SLC35B3: variants seen among roughly 807,000 people sequenced by gnomAD.
The protein encoded by SLC35B3 is adenosine 3'-phospho 5'-phosphosulfate transporter 2.
In SLC35B3, 35 loss-of-function variants were observed where a neutral mutation model predicts 44.1. That is an observed-to-expected ratio of 0.79 (90% CI 0.61 to 1.05). The LOEUF is 1.05. Ranked by LOEUF, SLC35B3 falls within the 50% of genes least tolerant of loss-of-function variation. SLC35B3 has a pLI of 0.00. For synonymous variants in SLC35B3, 146 were observed against 167.3 expected (o/e 0.87, Z 0.98); for missense variants, 414 against 476.4 (o/e 0.87, Z 1.22).
At position 8,412,223 on chromosome 6, in the gene SLC35B3, G is replaced by C. The variant is rs1384949896; in HGVS notation, c.*1326C>G. Among the ~76,000 whole-genome samples, 3 of 152,120 alleles carry C rather than the reference G, an allele frequency of 2.0e-5. No individual in the cohort carries two copies. The highest frequency in any genetic ancestry group is 6.6e-5 in the Admixed American group (1 of 15,252). The stretch of plus-strand genomic sequence containing the variant: ...CTCCATCTTGGACTTCCAGACATCA[G>C]AACTGTGGGAAATAAATTTCCATTG... On this transcript the variant is annotated 3_prime_UTR_variant, in exon 11 of 11. Coordinates refer to ENST00000644923, the MANE Select transcript of SLC35B3 (RefSeq NM_001370476.2).
At chr6:8,425,578 C>T (rs529949251) in intron 4 of SLC35B3, among the ~76,000 whole-genome samples, 1 of 151,982 alleles carries the variant, frequency 6.6e-6, no homozygotes, top group South Asian at 2.1e-4. Flanking sequence ...GCAATAAAGA[C>T]AGGTTGAGAG....
chr6:8,428,624 A>G (rs1349514299), intron 3 of SLC35B3, among the ~76,000 whole-genome samples: 1 of 152,172 alleles, frequency 6.6e-6, no homozygotes, highest in East Asian at 1.9e-4. Context: ...GCATAAACCA[A>G]TTATAAACTA....
chr6:8,427,970 A>T lies in SLC35B3; in HGVS notation c.386T>A (p.Ile129Lys). ...TTTGTCCTGAATAAGCTGAAGTTCT[A>T]TTAGGCCAAATATGGAGTAAAAGGC... Residue 129 changes from isoleucine (I) to lysine (K), a missense_variant, in exon 4 of 11, where the codon ATA (isoleucine) becomes AAA (lysine). Physicochemically the swap from Ile to Lys is moderately radical, Grantham distance 102. Coordinates refer to ENST00000644923, the MANE Select transcript of SLC35B3 (RefSeq NM_001370476.2). 1.2e-6 allele frequency: 2 copies of T among 1,612,924 alleles called. No individual in the cohort carries two copies. Among genetic ancestry groups the T allele is most frequent in the Non-Finnish European group, 1.7e-6 (2 of 1,179,282 alleles).
At chr6:8,424,162 T>A (rs1763193892) in intron 4 of SLC35B3, among the ~76,000 whole-genome samples, 1 of 152,214 alleles carries the variant, frequency 6.6e-6, no homozygotes, top group Admixed American at 6.5e-5. Flanking sequence ...ATTGGTATAA[T>A]GAAGAAATTA....
intron 3 of SLC35B3, among the ~76,000 whole-genome samples, chr6:8,428,318 A>G (rs1035584526): frequency 6.6e-6 from 1 of 152,204 alleles, no homozygotes; most frequent in Non-Finnish European, 1.5e-5. Flanking sequence ...AGCAATATTT[A>G]TATCAGTTAT....
chr6:8,413,581 T>G lies in SLC35B3; in HGVS notation c.1174A>C (p.Arg392=). ...GTCTGTGCCAGCGTCCTTGACTTTC[T>G]TGCTTCCACTGATTTGTTTATCAAA... Residue 392 remains arginine (R), a synonymous_variant, in exon 11 of 11, where the codon AGA becomes CGA. Coordinates refer to ENST00000644923, the MANE Select transcript of SLC35B3 (RefSeq NM_001370476.2). 6.2e-7 allele frequency: 1 copy of G among 1,610,042 alleles called. No homozygotes were observed. Among genetic ancestry groups the G allele is most frequent in the Admixed American group, 1.7e-5 (1 of 59,768 alleles).
rs1291413383 is a variant in SLC35B3 at position 8,413,707 on chromosome 6, A to T, written c.1056-8T>A. ...AAACCAGACCATACATACCTAAGAG[A>T]AAGAAATAAGGAAAAAAAATTAAAA... is the stretch of plus-strand genomic sequence containing the variant. On this transcript the variant is annotated splice_polypyrimidine_tract_variant and splice_region_variant and intron_variant, in intron 10 of 10. Coordinates refer to ENST00000644923, the MANE Select transcript of SLC35B3 (RefSeq NM_001370476.2). The T allele has an allele frequency of 2.3e-5, 34 of 1,479,372 alleles. No individual in the cohort carries two copies. The highest frequency in any genetic ancestry group is 2.8e-5 in the Non-Finnish European group (31 of 1,098,734). 91.6% of individuals were successfully genotyped at this position (1,479,372 alleles called of 1,614,324 possible).
Position 8,417,009 on chromosome 6 carries a change from A to G in SLC35B3, c.874-14T>C. The G allele has an allele frequency of 7.0e-7, 1 of 1,432,210 alleles. No individual in the cohort carries two copies. The highest frequency in any genetic ancestry group is 9.5e-7 in the Non-Finnish European group (1 of 1,049,748). The allele number at this position is 1,432,210 out of a possible 1,614,324, so 88.7% of individuals were successfully genotyped here. Reference sequence around the variant, plus strand: ...CCGAACTGGATTCTGCAAAAAATAAAAAAGCCTGTTAGAAAAATGTAAAAC... The same window carrying G: ...CCGAACTGGATTCTGCAAAAAATAAGAAAGCCTGTTAGAAAAATGTAAAAC... On this transcript the variant is annotated splice_polypyrimidine_tract_variant and intron_variant, in intron 8 of 10. Transcript: ENST00000644923.
In SLC35B3 at chr6:8,435,421, C is replaced by G. The variant is rs772789571; in HGVS notation, c.-122G>C. ...GCTAGACGGAGCATCTCCCCCTCCCCTGGTCCGTCGCCATCACCTCCTCTT... is the reference window on the plus strand; with the variant it reads ...GCTAGACGGAGCATCTCCCCCTCCCGTGGTCCGTCGCCATCACCTCCTCTT... On this transcript the variant is annotated 5_prime_UTR_variant, in exon 1 of 11. Transcript: ENST00000644923. This position sits in a 1 kb window ranked among gnomAD's most constrained non-coding sequence, Gnocchi z 5.5. 1 of 1,284,700 alleles carries G rather than the reference C, an allele frequency of 7.8e-7. No individual in the cohort carries two copies. The highest frequency in any genetic ancestry group is 1.2e-5 in the South Asian group (1 of 80,886). 79.6% of individuals were successfully genotyped at this position (1,284,700 alleles called of 1,614,324 possible).
In SLC35B3 at chr6:8,419,558, G is replaced by GA. The variant is rs753806326; in HGVS notation, c.780+21dup. On this transcript the variant is annotated intron_variant, in intron 7 of 10. Coordinates refer to ENST00000644923, the MANE Select transcript of SLC35B3 (RefSeq NM_001370476.2). This position sits in a 1 kb window ranked among gnomAD's most constrained non-coding sequence, Gnocchi z 4.3. ...ATTTTTTAAATCTGTCTAATTTGAAGAAAAAACACTAGAGTATTTACCATT... is the reference window on the plus strand; with the variant it reads ...ATTTTTTAAATCTGTCTAATTTGAAGAAAAAAACACTAGAGTATTTACCATT... 91 of 1,246,444 alleles carry GA rather than the reference G, an allele frequency of 7.3e-5. No individual in the cohort carries two copies. In the African/African-American group the frequency reaches 1.3e-3, roughly 17 times the overall value. 77.2% of individuals were successfully genotyped at this position (1,246,444 alleles called of 1,614,324 possible). A position where few individuals can be genotyped will look rare whatever the true frequency, so the allele number is the denominator to read the frequency against.
In SLC35B3 at chr6:8,420,661, G is replaced by A. The variant is rs957897057; in HGVS notation, c.682+60C>T. 7 of 1,270,348 alleles carry A rather than the reference G, an allele frequency of 5.5e-6. No homozygotes were observed. Among genetic ancestry groups the A allele is most frequent in the African/African-American group, 3.0e-5 (2 of 66,350 alleles). 78.7% of individuals were successfully genotyped at this position (1,270,348 alleles called of 1,614,324 possible). A position where few individuals can be genotyped will look rare whatever the true frequency, so the allele number is the denominator to read the frequency against. ...CATTTAAAATGCTTACAAAATATTC[G>A]AAATTCGTATTCTAAACTAAAAAGC... On this transcript the variant is annotated intron_variant, in intron 6 of 10. Transcript: ENST00000644923. The surrounding 1 kb of genome is among the most constrained non-coding windows in gnomAD (Gnocchi z 4.4).
In SLC35B3 at chr6:8,425,121, C is replaced by A. The variant is rs147116842; in HGVS notation, c.420-2497G>T. Among the ~76,000 whole-genome samples the A allele has an allele frequency of 2.9e-3, 446 of 152,220 alleles. 2 individuals carry two copies. Among genetic ancestry groups the A allele is most frequent in the African/African-American group, 0.01 (423 of 41,538 alleles). On this transcript the variant is annotated intron_variant, in intron 4 of 10. Transcript: ENST00000644923. ...TTTATTTTAAAATATGTTATGGTCA[C>A]GTGATTTAAAAGTTGGGATAAACAT...
chr6:8,414,064 C>G (rs1013087395), intron 10 of SLC35B3, among the ~76,000 whole-genome samples: 7 of 152,072 alleles, frequency 4.6e-5, no homozygotes, highest in Non-Finnish European at 8.8e-5. Context: ...TAATTAAACT[C>G]AGCTGTCCAA....
In SLC35B3 at chr6:8,434,299, A is replaced by G; in HGVS notation, c.3+86T>C. ...CCAAAAAAAGGTAGAATATGAAAAA[A>G]AAGTCATTACGGTGTCATTAACCTG... On this transcript the variant is annotated intron_variant, in intron 2 of 10. Coordinates refer to ENST00000644923, the MANE Select transcript of SLC35B3 (RefSeq NM_001370476.2). This position sits in a 1 kb window ranked among gnomAD's most constrained non-coding sequence, Gnocchi z 6.3. 5 of 1,312,010 alleles carry G rather than the reference A, an allele frequency of 3.8e-6. No individual in the cohort carries two copies. In the South Asian group the frequency reaches 6.1e-5, roughly 16 times the overall value. The allele number at this position is 1,312,010 out of a possible 1,614,324, so 81.3% of individuals were successfully genotyped here.
chr6:8,422,532 G>A lies in SLC35B3; in HGVS notation c.512C>T (p.Thr171Ile). 1 of 1,613,618 alleles carries A rather than the reference G, an allele frequency of 6.2e-7. No individual in the cohort carries two copies. The highest frequency in any genetic ancestry group is 1.7e-5 in the Admixed American group (1 of 59,994). Residue 171 changes from threonine (T) to isoleucine (I), a missense_variant, in exon 5 of 11, where the codon ACC (threonine) becomes ATC (isoleucine). By Grantham distance (89) the Thr-to-Ile change is moderately conservative. Coordinates refer to ENST00000644923, the MANE Select transcript of SLC35B3 (RefSeq NM_001370476.2). ...TTTGCAGCACTTGAAGATGACTTGG[G>A]TAGGGTAATTCAGGTAGCCCAAGGA...
intron 7 of SLC35B3, among the ~76,000 whole-genome samples, chr6:8,417,811 A>G (rs1762554059): frequency 6.6e-6 from 1 of 152,184 alleles, no homozygotes; most frequent in Admixed American, 6.5e-5. Context: ...TAAATGAAAC[A>G]AAACAAAAAG....
In SLC35B3 at chr6:8,434,989, TG is replaced by T; in HGVS notation, c.-44+353del. 1 of 798,038 alleles carries T rather than the reference TG, an allele frequency of 1.3e-6. No homozygotes were observed. Among genetic ancestry groups the T allele is most frequent in the South Asian group, 1.9e-5 (1 of 52,400 alleles). The allele number at this position is 798,038 out of a possible 1,614,324, so 49.4% of individuals were successfully genotyped here. A position where few individuals can be genotyped will look rare whatever the true frequency, so the allele number is the denominator to read the frequency against. On this transcript the variant is annotated intron_variant, in intron 1 of 10. Transcript: ENST00000644923. The surrounding 1 kb of genome is among the most constrained non-coding windows in gnomAD (Gnocchi z 6.3). ...AACACGGAACGAGGAAACAGTTAAC[TG>T]TAAATACAGTCTAGAGGTATCCAGG...
rs558867728 is a variant in SLC35B3, at chr6:8,412,891, T to TG, written c.*657_*658insC. Among the ~76,000 whole-genome samples the TG allele has an allele frequency of 2.2e-4, 33 of 152,264 alleles. No homozygotes were observed. The highest frequency in any genetic ancestry group is 7.9e-4 in the African/African-American group (33 of 41,560). ...TCACTTGTCAGCCTCTCACCTCTTG[T>TG]TGCGTGGTCTGGTTCCTAACAGGCC... is the stretch of plus-strand genomic sequence containing the variant. On this transcript the variant is annotated 3_prime_UTR_variant, in exon 11 of 11. Coordinates refer to ENST00000644923, the MANE Select transcript of SLC35B3 (RefSeq NM_001370476.2).
chr6:8,422,707 T>C (rs1763017398), intron 4 of SLC35B3, 83 bp from the exon 4 acceptor site: 1 of 1,055,548 alleles, frequency 9.5e-7, no homozygotes. Context: ...TGTGTAAATG[T>C]CTAATTACTT....
Sources: gnomAD v4.1 joint callset for allele counts (sites outside exome capture counted in the v4.1 genomes callset) on GRCh38, gnomAD v4.1.1 for gene constraint, Gnocchi (gnomAD v3.1) non-coding constraint, MANE v1.5 for transcripts, NCBI Gene and HGNC (gene_info 2026-07-23, HGNC 2026-07-21) for gene names.